Variants in KSR2 observed in about 807,000 individuals in gnomAD.
KSR2 encodes kinase suppressor of ras 2.
KSR2 carries 25 observed loss-of-function variants against 107.8 expected under a neutral mutation model. The observed-to-expected ratio is 0.23, with a 90% CI of 0.17 to 0.32. The LOEUF (loss-of-function observed/expected upper bound fraction) is 0.32, where lower values mean the gene tolerates loss of function less well. KSR2 is among the 10% of genes least tolerant of loss of function. The pLI is 1.00. For synonymous variants in KSR2, 480 were observed against 507.0 expected (o/e 0.95, Z 0.71); for missense variants, 887 against 1,268.9 (o/e 0.70, Z 4.57).
At chr12:117,681,542 G>A (rs1279140092) in intron 4 of KSR2, among the ~76,000 whole-genome samples, 5 of 152,188 alleles carry the variant, frequency 3.3e-5, no homozygotes, top group South Asian at 2.1e-4. Context: ...AGGTGAAGTC[G>A]GGAGGCAGCA....
rs148200111 is a variant in KSR2, at chr12:117,778,500, G to C, written c.473-16976C>G. On this transcript the variant is annotated intron_variant, in intron 3 of 19. Coordinates refer to ENST00000339824, the MANE Select transcript of KSR2 (RefSeq NM_173598.6). Reference sequence around the variant, plus strand: ...ATTAAGTGGGAGACAACTCGCTATAGTCAAAATTCTATTCATGCATAGGGC... The same window carrying C: ...ATTAAGTGGGAGACAACTCGCTATACTCAAAATTCTATTCATGCATAGGGC... Among the ~76,000 whole-genome samples, 425 of 152,354 alleles carry C rather than the reference G, an allele frequency of 2.8e-3. 6 individuals carry two copies. The highest frequency in any genetic ancestry group is 9.6e-3 in the African/African-American group (399 of 41,584).
chr12:117,822,763 T>C (rs555708663), intron 3 of KSR2, among the ~76,000 whole-genome samples: 83 of 152,292 alleles, frequency 5.5e-4, no homozygotes, highest in African/African-American at 1.9e-3. Flanking sequence ...ATGCTGCATA[T>C]TGCTAGCCCG....
chr12:117,760,969 C>T (rs751467451), intron 4 of KSR2, 42 bp downstream of exon 4: 15 of 1,610,298 alleles, frequency 9.3e-6, no homozygotes, highest in Non-Finnish European at 1.3e-5. Flanking sequence ...CCCTCGCAGG[C>T]CGGGTTTCGA....
intron 1 of KSR2, among the ~76,000 whole-genome samples, chr12:117,892,744 T>C (rs1894382513): frequency 7.0e-6 from 1 of 142,442 alleles, no homozygotes; most frequent in Non-Finnish European, 1.5e-5. Flanking sequence ...ATATTTACTA[T>C]ATGTCTCTTT....
At chr12:117,565,988 G>A (rs1290040307) in intron 7 of KSR2, among the ~76,000 whole-genome samples, 1 of 152,092 alleles carries the variant, frequency 6.6e-6, no homozygotes, top group African/African-American at 2.4e-5. Context: ...TAGGTTCAGG[G>A]GGACACGTAC....
intron 3 of KSR2, among the ~76,000 whole-genome samples, chr12:117,838,980 G>T (rs556262399): frequency 2.0e-4 from 30 of 152,310 alleles, no homozygotes; most frequent in Middle Eastern, 6.8e-3. Flanking sequence ...AAACAAATAG[G>T]TATGGCAGTG....
intron 1 of KSR2, among the ~76,000 whole-genome samples, chr12:117,933,488 G>C (rs1047478577): frequency 2.0e-5 from 3 of 151,984 alleles, no homozygotes; most frequent in African/African-American, 7.2e-5. Flanking sequence ...TACTTGGGAG[G>C]CTGACCTATA....
intron 1 of KSR2, among the ~76,000 whole-genome samples, chr12:117,928,188 T>C (rs1378468589): frequency 6.6e-6 from 1 of 151,796 alleles, no homozygotes; most frequent in African/African-American, 2.4e-5. Context: ...TTTCCTTTTT[T>C]TTTTTTTTTG....
chr12:117,837,167 C>G (rs1053933059), intron 3 of KSR2, among the ~76,000 whole-genome samples: 1 of 152,138 alleles, frequency 6.6e-6, no homozygotes, highest in Non-Finnish European at 1.5e-5. Flanking sequence ...GGGAAAGAAA[C>G]CCAGGGTCTC....
chr12:117,565,343 T>C (rs1878414586), intron 7 of KSR2, among the ~76,000 whole-genome samples: 2 of 152,252 alleles, frequency 1.3e-5, no homozygotes, highest in African/African-American at 2.4e-5. Context: ...GCCCAGTCTT[T>C]CCTTCCAGAG....
At chr12:117,820,530 T>C (rs563677850) in intron 3 of KSR2, among the ~76,000 whole-genome samples, 41 of 152,314 alleles carry the variant, frequency 2.7e-4, no homozygotes, top group African/African-American at 9.4e-4. Flanking sequence ...CAGATCGTTG[T>C]CTTGCAATTT....
intron 3 of KSR2, among the ~76,000 whole-genome samples, chr12:117,786,771 G>T (rs751133615): frequency 6.6e-6 from 1 of 151,882 alleles, no homozygotes; most frequent in Non-Finnish European, 1.5e-5. Context: ...AAACGAGATC[G>T]CACCATTGCA....
intron 1 of KSR2, among the ~76,000 whole-genome samples, chr12:117,877,252 G>T (rs7954790): frequency 0.17 from 25,373 of 152,000 alleles, 2,379 homozygotes; most frequent in East Asian, 0.36. Flanking sequence ...CAGGAGAATC[G>T]CTTGAGCTCG....
At chr12:117,939,878 T>A (rs1285765668) in intron 1 of KSR2, among the ~76,000 whole-genome samples, 2 of 150,158 alleles carry the variant, frequency 1.3e-5, no homozygotes, top group Admixed American at 1.3e-4. Context: ...GAGATGGAGG[T>A]TGCAGTGAGC....
Position 117,950,976 on chromosome 12 carries a change from C to T in KSR2, c.180+17100G>A, listed in dbSNP as rs559705456. 3.3e-5 allele frequency among the ~76,000 whole-genome samples: 5 copies of T among 151,878 alleles called. No homozygotes were observed. The South Asian group carries it at 6.3e-4, about 19-fold the overall frequency. Reference sequence around the variant, plus strand: ...TCACCCAGGCTGGAGTGCAGTGGCGCGATCTCGACTCACTGTAAGCTCCCG... The same window carrying T: ...TCACCCAGGCTGGAGTGCAGTGGCGTGATCTCGACTCACTGTAAGCTCCCG... On this transcript the variant is annotated intron_variant, in intron 1 of 19. Coordinates refer to ENST00000339824, the MANE Select transcript of KSR2 (RefSeq NM_173598.6).
intron 4 of KSR2, among the ~76,000 whole-genome samples, chr12:117,752,201 G>A (rs951659922): frequency 2.6e-5 from 4 of 152,208 alleles, no homozygotes; most frequent in African/African-American, 9.6e-5. Flanking sequence ...TAATAAACAC[G>A]GCTCTTATCC....
intron 1 of KSR2, among the ~76,000 whole-genome samples, chr12:117,896,328 T>C (rs1593349414): frequency 6.6e-6 from 1 of 152,118 alleles, no homozygotes; most frequent in African/African-American, 2.4e-5. Flanking sequence ...AAAAGATAAA[T>C]ACATGGAGAC....
At chr12:117,484,876 C>G (rs1872372169) in intron 15 of KSR2, among the ~76,000 whole-genome samples, 1 of 152,202 alleles carries the variant, frequency 6.6e-6, no homozygotes, top group Non-Finnish European at 1.5e-5. Flanking sequence ...TCATCCACTT[C>G]CCCTTTAAAT....
At chr12:117,478,145 ATG>A (rs1331783635) in intron 16 of KSR2, among the ~76,000 whole-genome samples, 1 of 152,164 alleles carries the variant, frequency 6.6e-6, no homozygotes, top group Non-Finnish European at 1.5e-5. Context: ...AGCCTCCAGC[ATG>A]AAGGTCTCTG....
Sources: allele counts gnomAD v4.1 joint callset (sites outside exome capture counted in the v4.1 genomes callset), GRCh38; gene constraint gnomAD v4.1.1; transcripts MANE v1.5; gene names NCBI Gene and HGNC (gene_info 2026-07-23, HGNC 2026-07-21).